The following C2CD2 variants were observed in gnomAD, a reference collection of about 807,000 sequenced individuals.
C2CD2 encodes C2 calcium dependent domain containing 2, also known as C2 domain-containing protein 2.
In C2CD2, 43 loss-of-function variants were observed where a neutral mutation model predicts 74.3. That is an observed-to-expected ratio of 0.58 (90% CI 0.45 to 0.75). The LOEUF is 0.75. Ranked by LOEUF, C2CD2 falls within the 30% of genes least tolerant of loss-of-function variation. The pLI, the probability that C2CD2 is intolerant of heterozygous loss-of-function variation, is 0.00. For missense variants in C2CD2, 801 were observed against 916.3 expected, an observed-to-expected ratio of 0.87 and a Z score of 1.63; for synonymous variants, 422 against 390.7, an observed-to-expected ratio of 1.08 and a Z score of -0.94.
intron 2 of C2CD2, among the ~76,000 whole-genome samples, chr21:41,928,377 G>A (rs965705931): frequency 6.6e-6 from 1 of 152,112 alleles, no homozygotes; most frequent in African/African-American, 2.4e-5. Context: ...GTCGCATTCA[G>A]GGGCAGTATC....
At position 41,926,300 on chromosome 21, in the gene C2CD2, T is replaced by C. The variant is rs1377473433; in HGVS notation, c.379-4215A>G. ...AGAAGGGTGAACTTTGTATTCCAAA[T>C]AAACAGCTTCCTCTCTGTATAAGTG... On this transcript the variant is annotated intron_variant, in intron 2 of 13. Coordinates refer to ENST00000380486, the MANE Select transcript of C2CD2 (RefSeq NM_015500.2). The surrounding 1 kb of genome is among the most constrained non-coding windows in gnomAD (Gnocchi z 8.0). The C allele has an allele frequency of 4.9e-6, 1 of 205,860 alleles. No individual in the cohort carries two copies. Among genetic ancestry groups the C allele is most frequent in the African/African-American group, 2.4e-5 (1 of 42,386 alleles). The allele number at this position is 205,860 out of a possible 1,614,324, so 12.8% of individuals were successfully genotyped here.
chr21:41,953,938 G>C lies in C2CD2; in HGVS notation c.-290C>G, dbSNP rs2065472303. 6.3e-6 allele frequency: 1 copy of C among 158,042 alleles called. No homozygotes were observed. Among genetic ancestry groups the C allele is most frequent in the South Asian group, 2.0e-4 (1 of 4,940 alleles). The allele number at this position is 158,042 out of a possible 1,614,324, so 9.8% of individuals were successfully genotyped here. ...GACTCGGCGTCTGGGAAGTTCCTGG[G>C]CCGCTGCGGGCCGCGCTTCCTCCTG... On this transcript the variant is annotated 5_prime_UTR_variant, in exon 1 of 14. Coordinates refer to ENST00000380486, the MANE Select transcript of C2CD2 (RefSeq NM_015500.2).
intron 3 of C2CD2, 39 bp from the exon 4 acceptor site, chr21:41,918,999 C>T (rs774663609): frequency 1.4e-6 from 2 of 1,479,052 alleles, no homozygotes; most frequent in Non-Finnish European, 1.9e-6. Context: ...ACTCTTTCCA[C>T]CAAAGCCTTA....
intron 8 of C2CD2, chr21:41,908,901 G>A (rs1376569999): frequency 3.3e-5 from 5 of 153,098 alleles, no homozygotes; most frequent in African/African-American, 1.2e-4. Context: ...TTGCTTTCTT[G>A]TGTATAAATC....
At chr21:41,893,467 T>C (rs979534647) in intron 13 of C2CD2, among the ~76,000 whole-genome samples, 2 of 152,202 alleles carry the variant, frequency 1.3e-5, no homozygotes, top group African/African-American at 2.4e-5. Flanking sequence ...TGTAAAAAGA[T>C]GGTAGACAAG....
rs376250338 is a variant in C2CD2 at position 41,903,761 on chromosome 21, T to G, written c.1432+1963A>C. On this transcript the variant is annotated intron_variant, in intron 11 of 13. Coordinates refer to ENST00000380486, the MANE Select transcript of C2CD2 (RefSeq NM_015500.2). This position sits in a 1 kb window ranked among gnomAD's most constrained non-coding sequence, Gnocchi z 4.5. The stretch of plus-strand genomic sequence containing the variant: ...CAGGTGCCAGGTGCAGCCTGCACCG[T>G]GGCAGGTGAGCCTGGGGGCCGGCTC... 1.3e-5 allele frequency among the ~76,000 whole-genome samples: 2 copies of G among 151,794 alleles called. No individual in the cohort carries two copies. Among genetic ancestry groups the G allele is most frequent in the East Asian group, 3.9e-4 (2 of 5,094 alleles).
rs1051396976 is a variant in C2CD2, at chr21:41,888,959, C to T, written c.*165G>A. Reference sequence around the variant, plus strand: ...GTCCTCTCTGGGAGAAGCCTCCTGGCTGGAGACTCAGATTTTGTTTTCCCT... The same window carrying T: ...GTCCTCTCTGGGAGAAGCCTCCTGGTTGGAGACTCAGATTTTGTTTTCCCT... On this transcript the variant is annotated 3_prime_UTR_variant, in exon 14 of 14. Coordinates refer to ENST00000380486, the MANE Select transcript of C2CD2 (RefSeq NM_015500.2). 3.2e-6 allele frequency: 2 copies of T among 631,306 alleles called. No individual in the cohort carries two copies. The highest frequency in any genetic ancestry group is 3.7e-5 in the African/African-American group (2 of 54,586). The allele number at this position is 631,306 out of a possible 1,614,324, so 39.1% of individuals were successfully genotyped here.
At chr21:41,918,576 G>A (rs146254919) in intron 4 of C2CD2, among the ~76,000 whole-genome samples, 93 of 152,260 alleles carry the variant, frequency 6.1e-4, no homozygotes, top group Non-Finnish European at 1.2e-3. Flanking sequence ...GGTGGGGCAG[G>A]GAAGGCTTCA....
At chr21:41,889,418 A>G (rs538280453) in intron 13 of C2CD2, 74 bp from the exon 14 acceptor site, 91 of 1,033,218 alleles carry the variant, frequency 8.8e-5, no homozygotes, top group Non-Finnish European at 1.3e-4. Context: ...CAATCGGACA[A>G]AGGGAAAAGG....
In C2CD2 at chr21:41,899,027, G is replaced by T; in HGVS notation, c.1870+26C>A. ...CGCAAAGCCACCAAGTGGGGGGCCC[G>T]GGATGGGGGGCTCGGGAGCAGGTAC... On this transcript the variant is annotated intron_variant, in intron 13 of 13. Coordinates refer to ENST00000380486, the MANE Select transcript of C2CD2 (RefSeq NM_015500.2). This position sits in a 1 kb window ranked among gnomAD's most constrained non-coding sequence, Gnocchi z 4.4. 1 of 1,591,394 alleles carries T rather than the reference G, an allele frequency of 6.3e-7. No homozygotes were observed. The highest frequency in any genetic ancestry group is 8.6e-7 in the Non-Finnish European group (1 of 1,164,532).
Position 41,928,544 on chromosome 21 carries a change from C to CAA in C2CD2, c.379-6461_379-6460dup, listed in dbSNP as rs59346777. Among the ~76,000 whole-genome samples, 596 of 72,230 alleles carry CAA rather than the reference C, an allele frequency of 8.3e-3. 38 individuals carry two copies. Among genetic ancestry groups the CAA allele is most frequent in the African/African-American group, 0.029 (537 of 18,812 alleles). The allele number at this position is 72,230 out of a possible 152,430, so 47.4% of individuals were successfully genotyped here. A position where few individuals can be genotyped will look rare whatever the true frequency, so the allele number is the denominator to read the frequency against. On this transcript the variant is annotated intron_variant, in intron 2 of 13. Transcript: ENST00000380486. ...GAATTTCAAATCATGTAAAGCAAAG[C>CAA]AAAAAAAAAAAAAAAAAAAAAAAAG... is the stretch of plus-strand genomic sequence containing the variant.
At chr21:41,901,005 A>G (rs1333261707) in intron 12 of C2CD2, 1 of 152,604 alleles carries the variant, frequency 6.6e-6, no homozygotes, top group East Asian at 1.9e-4. Context: ...ATAGATAAAA[A>G]TTTTAAAATC....
At chr21:41,919,069 A>C in intron 3 of C2CD2, 109 bp from the exon 4 acceptor site, 1 of 771,732 alleles carries the variant, frequency 1.3e-6, no homozygotes, top group Non-Finnish European at 2.2e-6. Flanking sequence ...TATGCATGTG[A>C]GCATGTGTCT....
Position 41,946,533 on chromosome 21 carries a change from G to T in C2CD2, c.280-4288C>A, listed in dbSNP as rs140532166. 3.8e-3 allele frequency among the ~76,000 whole-genome samples: 579 copies of T among 152,178 alleles called. 2 individuals carry two copies. Among genetic ancestry groups the T allele is most frequent in the African/African-American group, 0.013 (553 of 41,498 alleles). Reference sequence around the variant, plus strand: ...AGAAGATGACCTTCACCTTCCACCAGGATTGTAAGTTTCCTGAGGCCTCCG... The same window carrying T: ...AGAAGATGACCTTCACCTTCCACCATGATTGTAAGTTTCCTGAGGCCTCCG... On this transcript the variant is annotated intron_variant, in intron 1 of 13. Transcript: ENST00000380486.
intron 10 of C2CD2, 46 bp downstream of exon 10, chr21:41,906,946 C>A: frequency 6.7e-7 from 1 of 1,503,670 alleles, no homozygotes. Flanking sequence ...TGGTTACAGG[C>A]AGGCGTCATG....
At chr21:41,949,719 C>T (rs143783096) in intron 1 of C2CD2, among the ~76,000 whole-genome samples, 1,649 of 152,290 alleles carry the variant, frequency 0.011, 18 homozygotes, top group Middle Eastern at 0.031. Context: ...TTCCCAATAG[C>T]AAAGACTTGG....
In C2CD2 at chr21:41,889,259, G is replaced by T. The variant is rs750721403; in HGVS notation, c.1956C>A (p.Asp652Glu). Residue 652 changes from aspartate (D) to glutamate (E), a missense_variant, in exon 14 of 14, where the codon GAC becomes GAA. Transcript: ENST00000380486. ...CCTCTGGCTGCTCCAGGAACACAAGGTCATTGTGTGACTGACTCATGCCTG... is the reference window on the plus strand; with the variant it reads ...CCTCTGGCTGCTCCAGGAACACAAGTTCATTGTGTGACTGACTCATGCCTG... ...KDPGMSQSHN[D>E]LVFLEQPEGS... 6.2e-7 allele frequency: 1 copy of T among 1,614,034 alleles called. No homozygotes were observed. Among genetic ancestry groups the T allele is most frequent in the Non-Finnish European group, 8.5e-7 (1 of 1,179,984 alleles).
chr21:41,942,128 A>C lies in C2CD2; in HGVS notation c.378+19T>G. ...ATCAAGTTCACCTCTTCCTGCAGGG[A>C]ATGGGCTCCTGGGCTCACCTTCTCC... is the stretch of plus-strand genomic sequence containing the variant. On this transcript the variant is annotated intron_variant, in intron 2 of 13. Transcript: ENST00000380486. 1 of 1,548,626 alleles carries C rather than the reference A, an allele frequency of 6.5e-7. No homozygotes were observed. Among genetic ancestry groups the C allele is most frequent in the Non-Finnish European group, 8.7e-7 (1 of 1,146,382 alleles).
Position 41,939,292 on chromosome 21 carries a change from G to A in C2CD2, c.378+2855C>T, listed in dbSNP as rs1601600274. 6.6e-6 allele frequency among the ~76,000 whole-genome samples: 1 copy of A among 152,298 alleles called. No homozygotes were observed. Among genetic ancestry groups the A allele is most frequent in the East Asian group, 1.9e-4 (1 of 5,192 alleles). ...GGATTACAATTGAATTACCTACCGT[G>A]TAAGGCCACTTTTCTGGCAATATGA... is the stretch of plus-strand genomic sequence containing the variant. On this transcript the variant is annotated intron_variant, in intron 2 of 13. Coordinates refer to ENST00000380486, the MANE Select transcript of C2CD2 (RefSeq NM_015500.2). This position sits in a 1 kb window ranked among gnomAD's most constrained non-coding sequence, Gnocchi z 5.5.
Sources: gnomAD v4.1 joint callset for allele counts (sites outside exome capture counted in the v4.1 genomes callset) on GRCh38, gnomAD v4.1.1 for gene constraint, Gnocchi (gnomAD v3.1) non-coding constraint, MANE v1.5 for transcripts, NCBI Gene and HGNC (gene_info 2026-07-23, HGNC 2026-07-21) for gene names.